HFM1: variants seen among roughly 807,000 people sequenced by gnomAD.
The protein encoded by HFM1 is helicase for meiosis 1.
In HFM1, 169 loss-of-function variants were observed where a neutral mutation model predicts 192.1. The ratio of observed to expected loss-of-function variants is 0.88; its 90% CI spans 0.78 to 1.00. The LOEUF is 1.00. HFM1 is among the 50% of genes least tolerant of loss of function. The pLI, the probability that HFM1 is intolerant of heterozygous loss-of-function variation, is 0.00. For synonymous variants in HFM1, 525 were observed against 537.8 expected, an observed-to-expected ratio of 0.98 and a Z score of 0.33; for missense variants, 1,661 against 1,668.0, an observed-to-expected ratio of 1.00 and a Z score of 0.07.
At chr1:91,395,615 T>A (rs1478487939) in intron 3 of HFM1, among the ~76,000 whole-genome samples, 2 of 151,696 alleles carry the variant, frequency 1.3e-5, no homozygotes, top group African/African-American at 4.8e-5. Flanking sequence ...GCATCCAGCT[T>A]GGTGAGCACT....
intron 30 of HFM1, among the ~76,000 whole-genome samples, chr1:91,306,354 CA>C (rs1438436227): frequency 2.6e-5 from 4 of 152,076 alleles, no homozygotes; most frequent in Non-Finnish European, 5.9e-5. Flanking sequence ...CAAAACAAAA[CA>C]AAAGAAGTTC....
rs572431199 is a variant in HFM1, at chr1:91,314,196, A to G, written c.3141-136T>C. 126 of 526,566 alleles carry G rather than the reference A, an allele frequency of 2.4e-4. 1 individual carries two copies. Among genetic ancestry groups the G allele is most frequent in the African/African-American group, 2.3e-3 (121 of 51,598 alleles). 32.6% of individuals were successfully genotyped at this position (526,566 alleles called of 1,614,324 possible). A position where few individuals can be genotyped will look rare whatever the true frequency, so the allele number is the denominator to read the frequency against. ...CAATTACTGAAAACTGCTTTCCCCA[A>G]CTTTTAAGGAGGGAGAATAAAGTAT... On this transcript the variant is annotated intron_variant, in intron 28 of 38. Coordinates refer to ENST00000370425, the MANE Select transcript of HFM1 (RefSeq NM_001017975.6).
intron 20 of HFM1, among the ~76,000 whole-genome samples, chr1:91,336,440 T>C (rs281954): frequency 1 from 151,565 of 151,756 alleles, 75,687 homozygotes; most frequent in East Asian, 1. Context: ...CCCTCCATCC[T>C]GTCCTTTCTT....
chr1:91,285,752 T>G (rs979124955), intron 30 of HFM1, among the ~76,000 whole-genome samples: 3 of 152,206 alleles, frequency 2.0e-5, no homozygotes, highest in Non-Finnish European at 4.4e-5. Context: ...CCGAAAATAT[T>G]ACATGAAAAT....
intron 30 of HFM1, among the ~76,000 whole-genome samples, chr1:91,284,247 A>AT (rs1464157623): frequency 1.2e-4 from 18 of 150,494 alleles, no homozygotes; most frequent in Non-Finnish European, 2.4e-4. Context: ...TTATATTATT[A>AT]TTATTTTTTT....
At chr1:91,355,549 A>G (rs1445290700) in intron 13 of HFM1, among the ~76,000 whole-genome samples, 2 of 152,166 alleles carry the variant, frequency 1.3e-5, no homozygotes, top group Non-Finnish European at 2.9e-5. Flanking sequence ...ATAGTAACCA[A>G]AAGAGAGCAG....
At chr1:91,389,951 C>T (rs1662734810) in intron 4 of HFM1, among the ~76,000 whole-genome samples, 1 of 152,098 alleles carries the variant, frequency 6.6e-6, no homozygotes. Context: ...ACCATATGAC[C>T]CAGCAATTCT....
intron 26 of HFM1, 84 bp downstream of exon 26, chr1:91,316,301 TTATAAC>T: frequency 9.9e-7 from 1 of 1,013,462 alleles, no homozygotes; most frequent in South Asian, 1.7e-5. Context: ...GTTGAAATAC[TTATAAC>T]TATGAGAAGG....
intron 30 of HFM1, 49 bp from the exon 31 acceptor site, chr1:91,277,111 T>C: frequency 1.1e-6 from 1 of 947,660 alleles, no homozygotes; most frequent in Non-Finnish European, 1.6e-6. Flanking sequence ...CATTTATTAT[T>C]GTTAATTTAA....
At chr1:91,359,639 T>A (rs1454802875) in intron 13 of HFM1, among the ~76,000 whole-genome samples, 1 of 149,630 alleles carries the variant, frequency 6.7e-6, no homozygotes, top group Non-Finnish European at 1.5e-5. Context: ...AAACCAAACT[T>A]ACAACTGACT....
chr1:91,395,456 G>A (rs1181303358), intron 3 of HFM1, among the ~76,000 whole-genome samples: 1 of 152,018 alleles, frequency 6.6e-6, no homozygotes, highest in African/African-American at 2.4e-5. Context: ...GTTTTTGGGG[G>A]TATGTATGTA....
intron 18 of HFM1, among the ~76,000 whole-genome samples, chr1:91,347,769 T>C (rs528349102): frequency 7.9e-5 from 12 of 152,282 alleles, no homozygotes; most frequent in Middle Eastern, 3.4e-3. Context: ...CCTAGGAAAA[T>C]ATGTTTGGTA....
At chr1:91,365,470 A>G (rs1659171050) in intron 13 of HFM1, among the ~76,000 whole-genome samples, 1 of 152,166 alleles carries the variant, frequency 6.6e-6, no homozygotes. Context: ...TGTAAACCTC[A>G]AATATGCCAT....
At chr1:91,370,237 T>G (rs1659982356) in intron 13 of HFM1, among the ~76,000 whole-genome samples, 1 of 152,130 alleles carries the variant, frequency 6.6e-6, no homozygotes, top group Non-Finnish European at 1.5e-5. Flanking sequence ...CTAACGCATT[T>G]TATGAGGCCA....
At chr1:91,297,550 C>A (rs1647852260) in intron 30 of HFM1, among the ~76,000 whole-genome samples, 1 of 152,212 alleles carries the variant, frequency 6.6e-6, no homozygotes, top group Non-Finnish European at 1.5e-5. Context: ...CCAGTAGGGG[C>A]AGACTGACAA....
intron 13 of HFM1, among the ~76,000 whole-genome samples, chr1:91,368,820 T>A (rs1434994961): frequency 6.6e-6 from 1 of 152,002 alleles, no homozygotes; most frequent in Admixed American, 6.6e-5. Context: ...GAGAAAGAGT[T>A]AAGACCCATC....
Position 91,316,118 on chromosome 1 carries a change from C to T in HFM1, c.2965G>A (p.Glu989Lys), listed in dbSNP as rs774145972. 1.3e-6 allele frequency: 2 copies of T among 1,587,354 alleles called. No individual in the cohort carries two copies. The highest frequency in any genetic ancestry group is 1.7e-5 in the Admixed American group (1 of 58,260). The change falls in exon 27 of 39, where the codon GAA (glutamate) becomes AAA (lysine). Residue 989 changes from glutamate to lysine, a missense_variant. By Grantham distance (56) the Glu-to-Lys change is moderately conservative. Coordinates refer to ENST00000370425, the MANE Select transcript of HFM1 (RefSeq NM_001017975.6). Reference protein sequence around the residue: ...KETVMYLPKYELKVEQITRYS... With the variant: ...KETVMYLPKYKLKVEQITRYS... ...ATATTTACCTGTTCCACTTTAAGTTCATATTTTGGTAGATACATCACAGTT... is the reference window on the plus strand; with the variant it reads ...ATATTTACCTGTTCCACTTTAAGTTTATATTTTGGTAGATACATCACAGTT...
intron 4 of HFM1, among the ~76,000 whole-genome samples, chr1:91,392,247 G>T (rs1002212340): frequency 1.3e-5 from 2 of 152,124 alleles, no homozygotes; most frequent in African/African-American, 2.4e-5. Flanking sequence ...CCATTACTGG[G>T]TATATACCCA....
chr1:91,326,209 G>T (rs180813123), intron 20 of HFM1, among the ~76,000 whole-genome samples: 17 of 152,230 alleles, frequency 1.1e-4, no homozygotes, highest in African/African-American at 4.1e-4. Flanking sequence ...CAAAAGCATA[G>T]TATCACAGAA....
Sources: gnomAD v4.1 joint callset for allele counts (sites outside exome capture counted in the v4.1 genomes callset) on GRCh38, gnomAD v4.1.1 for gene constraint, MANE v1.5 for transcripts, NCBI Gene and HGNC (gene_info 2026-07-23, HGNC 2026-07-21) for gene names.